The following TTC27 variants were observed in gnomAD, a reference collection of about 807,000 sequenced individuals.
The protein encoded by TTC27 is tetratricopeptide repeat protein 27.
In TTC27, 79 loss-of-function variants were observed where a neutral mutation model predicts 115.9. That is an observed-to-expected ratio of 0.68 (90% CI 0.57 to 0.82). The LOEUF is 0.82. Ranked by LOEUF, TTC27 falls within the 40% of genes least tolerant of loss-of-function variation. The pLI is 0.00. For missense variants in TTC27, 1,054 were observed against 993.1 expected, an observed-to-expected ratio of 1.06 and a Z score of -0.82; for synonymous variants, 401 against 356.0, an observed-to-expected ratio of 1.13 and a Z score of -1.42.
At chr2:32,764,744 A>G (rs1272755538) in intron 13 of TTC27, among the ~76,000 whole-genome samples, 2 of 152,244 alleles carry the variant, frequency 1.3e-5, no homozygotes, top group Admixed American at 6.5e-5. Flanking sequence ...CTACTTTATC[A>G]ATCAAGTTTA....
chr2:32,721,916 C>T (rs1359672260), intron 10 of TTC27, among the ~76,000 whole-genome samples: 1 of 152,214 alleles, frequency 6.6e-6, no homozygotes, highest in East Asian at 1.9e-4. Context: ...CCGTGCCTAG[C>T]AGTGCTTCAC....
At chr2:32,641,843 TA>T (rs1664661771) in intron 4 of TTC27, among the ~76,000 whole-genome samples, 1 of 151,956 alleles carries the variant, frequency 6.6e-6, no homozygotes, top group Admixed American at 6.6e-5. Context: ...CATGTCTGGC[TA>T]ATTTTGTATT....
intron 18 of TTC27, among the ~76,000 whole-genome samples, chr2:32,813,615 T>G (rs1671387888): frequency 6.6e-6 from 1 of 152,064 alleles, no homozygotes; most frequent in Admixed American, 6.6e-5. Context: ...CCCTCTTCCT[T>G]CCAAAGTAGA....
At chr2:32,702,697 C>T (rs1667228398) in intron 9 of TTC27, 110 bp from the exon 10 acceptor site, 1 of 664,356 alleles carries the variant, frequency 1.5e-6, no homozygotes, top group East Asian at 2.8e-5. Flanking sequence ...ATTTTCAAAT[C>T]TGTGTTTAAC....
intron 16 of TTC27, among the ~76,000 whole-genome samples, chr2:32,793,270 C>G (rs1273701611): frequency 6.6e-6 from 1 of 152,104 alleles, no homozygotes; most frequent in African/African-American, 2.4e-5. Context: ...AAGAAAAAAA[C>G]TGTCAATCAA....
chr2:32,633,409 C>T (rs1266347747), intron 2 of TTC27, among the ~76,000 whole-genome samples: 1 of 151,712 alleles, frequency 6.6e-6, no homozygotes, highest in African/African-American at 2.4e-5. Context: ...TATTGTAGAC[C>T]TAATTTCTTT....
At chr2:32,711,543 A>G (rs1349780384) in intron 10 of TTC27, among the ~76,000 whole-genome samples, 1 of 152,230 alleles carries the variant, frequency 6.6e-6, no homozygotes, top group African/African-American at 2.4e-5. Flanking sequence ...TTAAAATTAC[A>G]TGTATATATT....
intron 16 of TTC27, among the ~76,000 whole-genome samples, chr2:32,797,617 G>C (rs1174011562): frequency 2.0e-5 from 3 of 152,070 alleles, no homozygotes; most frequent in Admixed American, 2.0e-4. Context: ...AACTCAAAAT[G>C]AATCAAATAC....
intron 5 of TTC27, among the ~76,000 whole-genome samples, chr2:32,662,578 G>T (rs1168170560): frequency 6.6e-6 from 1 of 152,146 alleles, no homozygotes; most frequent in Non-Finnish European, 1.5e-5. Context: ...AGTATTCTCT[G>T]ATGGTAGTTT....
At chr2:32,664,492 T>G (rs1435043675) in intron 6 of TTC27, 25 bp downstream of exon 6, 3 of 1,580,546 alleles carry the variant, frequency 1.9e-6, no homozygotes, top group Non-Finnish European at 1.7e-6. Context: ...TTGTGGATAA[T>G]TGATTTTATT....
chr2:32,690,214 A>G (rs1559207505), intron 9 of TTC27, among the ~76,000 whole-genome samples: 1 of 152,212 alleles, frequency 6.6e-6, no homozygotes, highest in Non-Finnish European at 1.5e-5. Flanking sequence ...TGAAGAAGCC[A>G]AGTGACCAAC....
chr2:32,719,314 T>G (rs955107333), intron 10 of TTC27, among the ~76,000 whole-genome samples: 2 of 152,156 alleles, frequency 1.3e-5, no homozygotes, highest in Non-Finnish European at 2.9e-5. Flanking sequence ...AGGCACCTAG[T>G]CATCAAGAAA....
At chr2:32,659,634 C>T (rs1022874531) in intron 5 of TTC27, among the ~76,000 whole-genome samples, 1 of 152,078 alleles carries the variant, frequency 6.6e-6, no homozygotes, top group Admixed American at 6.6e-5. Context: ...TTTGCTGCAT[C>T]CATCAACCTA....
chr2:32,682,727 G>A, intron 9 of TTC27, among the ~76,000 whole-genome samples: 1 of 144,064 alleles, frequency 6.9e-6, no homozygotes, highest in East Asian at 2.0e-4. Flanking sequence ...GGAATGCAAT[G>A]GCGCGATCTC....
intron 10 of TTC27, among the ~76,000 whole-genome samples, chr2:32,703,720 A>G (rs1254359060): frequency 6.6e-6 from 1 of 152,204 alleles, no homozygotes; most frequent in Non-Finnish European, 1.5e-5. Context: ...TCTCTTTTAC[A>G]CATTTTCTCT....
intron 13 of TTC27, among the ~76,000 whole-genome samples, chr2:32,765,014 C>T (rs1424441050): frequency 6.6e-6 from 1 of 152,178 alleles, no homozygotes; most frequent in Non-Finnish European, 1.5e-5. Context: ...AAGTTGGAAT[C>T]AGCTTCTTCC....
chr2:32,654,939 ATCC>A (rs1427947656), intron 5 of TTC27, among the ~76,000 whole-genome samples: 2 of 148,072 alleles, frequency 1.4e-5, no homozygotes, highest in Non-Finnish European at 3.0e-5. Flanking sequence ...CAAATGATCC[ATCC>A]TCCTCAGCCC....
chr2:32,751,051 A>G (rs1189264963), intron 12 of TTC27, among the ~76,000 whole-genome samples: 1 of 152,164 alleles, frequency 6.6e-6, no homozygotes, highest in African/African-American at 2.4e-5. Context: ...AAAGGCTGCT[A>G]TATCTGGTGT....
intron 4 of TTC27, among the ~76,000 whole-genome samples, chr2:32,648,139 T>G (rs1664936094): frequency 6.6e-6 from 1 of 152,128 alleles, no homozygotes; most frequent in Non-Finnish European, 1.5e-5. Context: ...ATATACTTTT[T>G]TTTTTGAGAC....
Sources: gnomAD v4.1 joint callset for allele counts (sites outside exome capture counted in the v4.1 genomes callset) on GRCh38, gnomAD v4.1.1 for gene constraint, MANE v1.5 for transcripts, NCBI Gene and HGNC (gene_info 2026-07-23, HGNC 2026-07-21) for gene names.